The following FRMD4A variants were observed in gnomAD, a reference collection of about 807,000 sequenced individuals.
FRMD4A encodes FERM domain containing 4A.
FRMD4A carries 29 observed loss-of-function variants against 129.1 expected under a neutral mutation model. The observed-to-expected ratio is 0.22, with a 90% confidence interval of 0.17 to 0.31. The LOEUF (loss-of-function observed/expected upper bound fraction) is 0.31, where lower values mean the gene tolerates loss of function less well. FRMD4A is among the 10% of genes least tolerant of loss of function. The probability of loss-of-function intolerance (pLI) is 1.00; values close to 1 mark genes in which losing one functional copy is unlikely to be tolerated. For synonymous variants in FRMD4A, 634 were observed against 571.6 expected, an observed-to-expected ratio of 1.11 and a Z score of -1.56; for missense variants, 1,272 against 1,375.8, an observed-to-expected ratio of 0.92 and a Z score of 1.19.
At chr10:13,911,943 T>C (rs921313154) in intron 2 of FRMD4A, among the ~76,000 whole-genome samples, 5 of 152,164 alleles carry the variant, frequency 3.3e-5, no homozygotes, top group Admixed American at 1.3e-4. Flanking sequence ...CACATATTTA[T>C]GGGGTCTAGG....
Position 13,663,472 on chromosome 10 carries a change from A to G in FRMD4A, c.1641T>C (p.Asp547=). The G allele has an allele frequency of 6.4e-7, 1 of 1,557,502 alleles. No individual in the cohort carries two copies. Among genetic ancestry groups the G allele is most frequent in the Middle Eastern group, 1.7e-4 (1 of 5,944 alleles). ...ACCTACCATCCTCAAGAACAAGGGCATCTGAGAGGGAGCTGTCTTCACTGG... is the reference window on the plus strand; with the variant it reads ...ACCTACCATCCTCAAGAACAAGGGCGTCTGAGAGGGAGCTGTCTTCACTGG... ...NIASEDSSLS[D]ALVLEDEDSQ... The change falls in exon 19 of 25, where the codon GAT becomes GAC. Residue 547 remains aspartate (D), a synonymous_variant. Transcript: ENST00000357447.
intron 15 of FRMD4A, among the ~76,000 whole-genome samples, chr10:13,678,230 CCT>C (rs2134745031): frequency 6.6e-6 from 1 of 152,210 alleles, no homozygotes; most frequent in African/African-American, 2.4e-5. Flanking sequence ...CTCAAGAGCC[CCT>C]CTCTGTATCC....
intron 6 of FRMD4A, among the ~76,000 whole-genome samples, chr10:13,767,580 C>A (rs778531039): frequency 2.0e-5 from 3 of 152,178 alleles, no homozygotes; most frequent in Non-Finnish European, 4.4e-5. Flanking sequence ...AGCAGAGGAA[C>A]TACACTGAAG....
chr10:13,966,590 G>T (rs1386698975), intron 2 of FRMD4A, among the ~76,000 whole-genome samples: 2 of 152,226 alleles, frequency 1.3e-5, no homozygotes, highest in Non-Finnish European at 2.9e-5. Flanking sequence ...GGAGTGAGAT[G>T]GAAACCCGGG....
chr10:14,318,300 T>C (rs1846824778), intron 2 of FRMD4A, among the ~76,000 whole-genome samples: 1 of 149,916 alleles, frequency 6.7e-6, no homozygotes, highest in Non-Finnish European at 1.5e-5. Flanking sequence ...AGCATTGCAG[T>C]CCTGATACCA....
chr10:14,329,974 C>T (rs1281504736), intron 2 of FRMD4A, 84 bp downstream of exon 2: 8 of 1,257,222 alleles, frequency 6.4e-6, no homozygotes, highest in Non-Finnish European at 9.1e-6. Flanking sequence ...TGTCTGCAGC[C>T]ACTGCAGCGG....
intron 5 of FRMD4A, among the ~76,000 whole-genome samples, chr10:13,788,754 C>T (rs535999954): frequency 1.1e-4 from 16 of 152,308 alleles, no homozygotes; most frequent in Non-Finnish European, 1.8e-4. Context: ...TGAAGGAGAA[C>T]GAAATAGGTG....
intron 2 of FRMD4A, among the ~76,000 whole-genome samples, chr10:13,921,636 A>G (rs1282647481): frequency 6.6e-6 from 1 of 152,154 alleles, no homozygotes; most frequent in Non-Finnish European, 1.5e-5. Context: ...GGCCTGTCAA[A>G]GGCTCCACCT....
At chr10:14,099,226 C>T (rs1837168890) in intron 2 of FRMD4A, among the ~76,000 whole-genome samples, 1 of 152,184 alleles carries the variant, frequency 6.6e-6, no homozygotes, top group South Asian at 2.1e-4. Flanking sequence ...GTTCAGCTTT[C>T]CTTTTACTCC....
chr10:13,696,581 T>C (rs1416825035), intron 14 of FRMD4A, among the ~76,000 whole-genome samples: 4 of 152,152 alleles, frequency 2.6e-5, no homozygotes, highest in African/African-American at 9.7e-5. Flanking sequence ...CTGTCTCTAC[T>C]AAAAATACAA....
intron 16 of FRMD4A, among the ~76,000 whole-genome samples, chr10:13,674,638 G>A (rs2083814078): frequency 6.6e-6 from 1 of 152,282 alleles, no homozygotes; most frequent in East Asian, 1.9e-4. Flanking sequence ...GCATTTCCCA[G>A]CCAGGTCAAC....
chr10:14,303,892 C>T (rs140966739), intron 2 of FRMD4A, among the ~76,000 whole-genome samples: 104 of 152,204 alleles, frequency 6.8e-4, no homozygotes, highest in African/African-American at 2.2e-3. Context: ...TGCTATTTGT[C>T]CTTTTGTGTC....
chr10:13,926,111 A>T lies in FRMD4A; in HGVS notation c.46-67199T>A, dbSNP rs139131013. Among the ~76,000 whole-genome samples the T allele has an allele frequency of 4.3e-3, 653 of 152,286 alleles. 7 individuals are homozygous for T. Among genetic ancestry groups the T allele is most frequent in the African/African-American group, 0.015 (626 of 41,548 alleles). The stretch of plus-strand genomic sequence containing the variant: ...AACCACAGACGAGGGGAATATATTC[A>T]ACCCAGTTTTGACCTGTTTCTGCTT... On this transcript the variant is annotated intron_variant, in intron 2 of 24. Transcript: ENST00000357447.
chr10:14,003,194 AGAG>A (rs1323511200), intron 2 of FRMD4A, among the ~76,000 whole-genome samples: 1 of 152,178 alleles, frequency 6.6e-6, no homozygotes, highest in African/African-American at 2.4e-5. Context: ...ACCACGGAAT[AGAG>A]GAGCAGGACG....
intron 3 of FRMD4A, among the ~76,000 whole-genome samples, chr10:13,826,603 C>T (rs568304138): frequency 1.3e-5 from 2 of 152,258 alleles, no homozygotes; most frequent in South Asian, 2.1e-4. Flanking sequence ...AGTGCTCTCC[C>T]CTGTGAATCC....
chr10:14,116,490 C>T (rs1243216241), intron 2 of FRMD4A, among the ~76,000 whole-genome samples: 2 of 152,138 alleles, frequency 1.3e-5, no homozygotes, highest in Admixed American at 1.3e-4. Context: ...CCAACCTTTG[C>T]TTGCCTTGGG....
chr10:13,848,477 G>A (rs958486554), intron 3 of FRMD4A, among the ~76,000 whole-genome samples: 3 of 152,126 alleles, frequency 2.0e-5, no homozygotes, highest in African/African-American at 7.2e-5. Context: ...CAGGAAGAAG[G>A]GGGAGGGGGG....
chr10:14,234,253 C>A (rs1843727724), intron 2 of FRMD4A, among the ~76,000 whole-genome samples: 1 of 151,884 alleles, frequency 6.6e-6, no homozygotes, highest in African/African-American at 2.4e-5. Context: ...GTGGCTGAAC[C>A]AACCACTGCA....
chr10:13,973,658 T>A (rs1026900252), intron 2 of FRMD4A, among the ~76,000 whole-genome samples: 13 of 149,756 alleles, frequency 8.7e-5, no homozygotes, highest in African/African-American at 2.5e-4. Flanking sequence ...AAAAACCCCA[T>A]CACCAGAAAG....
Sources: gnomAD v4.1 joint callset for allele counts (sites outside exome capture counted in the v4.1 genomes callset) on GRCh38, gnomAD v4.1.1 for gene constraint, MANE v1.5 for transcripts, NCBI Gene and HGNC (gene_info 2026-07-23, HGNC 2026-07-21) for gene names.